SDC2: variants seen among roughly 807,000 people sequenced by gnomAD.
The protein encoded by SDC2 is syndecan 2, also known as syndecan-2.
Under a neutral mutation model 22.2 loss-of-function variants are expected in SDC2, and 13 were observed. The ratio of observed to expected loss-of-function variants is 0.59; its 90% CI spans 0.38 to 0.93. The LOEUF (loss-of-function observed/expected upper bound fraction) is 0.93. Ranked by LOEUF, SDC2 falls within the 40% of genes least tolerant of loss-of-function variation. The probability of loss-of-function intolerance (pLI) is 0.00; values close to 1 mark genes in which losing one functional copy is unlikely to be tolerated. For missense variants in SDC2, 235 were observed against 246.8 expected (o/e 0.95, Z 0.32); for synonymous variants, 94 against 92.8 (o/e 1.01, Z -0.07).
chr8:96,556,043 C>G (rs554567147), intron 1 of SDC2, among the ~76,000 whole-genome samples: 1 of 141,090 alleles, frequency 7.1e-6, no homozygotes, highest in South Asian at 2.2e-4. Context: ...ATCACACACA[C>G]ACACACACAC....
At chr8:96,513,621 A>G (rs1168867877) in intron 1 of SDC2, among the ~76,000 whole-genome samples, 1 of 152,234 alleles carries the variant, frequency 6.6e-6, no homozygotes, top group African/African-American at 2.4e-5. Flanking sequence ...AAATTTTAAA[A>G]ACGACAAAAA....
rs149150304 is a variant in SDC2, at chr8:96,562,320, C to A, written c.61-31160C>A. 3.9e-5 allele frequency among the ~76,000 whole-genome samples: 6 copies of A among 152,296 alleles called. No individual in the cohort carries two copies. The East Asian group carries it at 1.2e-3, about 29-fold the overall frequency. Reference sequence around the variant, plus strand: ...ATCAGTTTCCTGTATTTATGTGGGTCTTTTCAGGTCCACAGCCTTTCAGTG... The same window carrying A: ...ATCAGTTTCCTGTATTTATGTGGGTATTTTCAGGTCCACAGCCTTTCAGTG... On this transcript the variant is annotated intron_variant, in intron 1 of 4. Coordinates refer to ENST00000302190, the MANE Select transcript of SDC2 (RefSeq NM_002998.4).
At chr8:96,536,087 G>T (rs1813750228) in intron 1 of SDC2, among the ~76,000 whole-genome samples, 1 of 151,904 alleles carries the variant, frequency 6.6e-6, no homozygotes, top group Admixed American at 6.6e-5. Flanking sequence ...GCCCCTTGAG[G>T]AATTTAATTT....
At position 96,494,093 on chromosome 8, in the gene SDC2, G is replaced by C; in HGVS notation, c.-179G>C. ...GCGCAGCTGCGGGCGGCGGGAGCAG[G>C]CGCAGGAGGAGGAAGCGAGCGCCCC... On this transcript the variant is annotated 5_prime_UTR_variant, in exon 1 of 5. Transcript: ENST00000302190. 1.7e-6 allele frequency: 1 copy of C among 590,686 alleles called. No individual in the cohort carries two copies. The highest frequency in any genetic ancestry group is 2.9e-6 in the Non-Finnish European group (1 of 347,732). The allele number at this position is 590,686 out of a possible 1,614,324, so 36.6% of individuals were successfully genotyped here. A position where few individuals can be genotyped will look rare whatever the true frequency, so the allele number is the denominator to read the frequency against.
chr8:96,564,527 C>T (rs975087434), intron 1 of SDC2, among the ~76,000 whole-genome samples: 2 of 152,112 alleles, frequency 1.3e-5, no homozygotes, highest in Admixed American at 6.5e-5. Context: ...GTGGGTTGCA[C>T]GTGGATTAGC....
chr8:96,581,119 C>T (rs1267429888), intron 1 of SDC2, among the ~76,000 whole-genome samples: 1 of 152,188 alleles, frequency 6.6e-6, no homozygotes, highest in Non-Finnish European at 1.5e-5. Flanking sequence ...GGTACTTACA[C>T]ATGTGTGTTC....
intron 1 of SDC2, among the ~76,000 whole-genome samples, chr8:96,540,312 C>G (rs913213854): frequency 8.1e-6 from 1 of 122,990 alleles, no homozygotes; most frequent in African/African-American, 2.8e-5. Flanking sequence ...GGCAACATAG[C>G]AAAACCCTGT....
At chr8:96,524,805 G>A (rs1813553033) in intron 1 of SDC2, among the ~76,000 whole-genome samples, 2 of 152,114 alleles carry the variant, frequency 1.3e-5, no homozygotes, top group South Asian at 4.1e-4. Context: ...AGGCTTCATT[G>A]GGCTGTTCAA....
At chr8:96,497,142 T>C (rs1813089259) in intron 1 of SDC2, among the ~76,000 whole-genome samples, 1 of 151,746 alleles carries the variant, frequency 6.6e-6, no homozygotes, top group South Asian at 2.1e-4. Context: ...TAAAAGAAAC[T>C]GTCAAGTCAT....
chr8:96,494,609 C>A (rs1284061197), intron 1 of SDC2, among the ~76,000 whole-genome samples: 2 of 152,114 alleles, frequency 1.3e-5, no homozygotes, highest in Non-Finnish European at 2.9e-5. Context: ...TCACTCCCAA[C>A]TTCTTCGCCC....
intron 1 of SDC2, among the ~76,000 whole-genome samples, chr8:96,545,699 C>T (rs560253064): frequency 1.3e-5 from 2 of 152,326 alleles, no homozygotes; most frequent in Admixed American, 1.3e-4. Flanking sequence ...CACATTCCTG[C>T]CTTCCACCCC....
intron 1 of SDC2, among the ~76,000 whole-genome samples, chr8:96,569,380 A>C (rs1814353777): frequency 6.6e-6 from 1 of 152,044 alleles, no homozygotes; most frequent in African/African-American, 2.4e-5. Context: ...CTTTCACCCC[A>C]GTTCTAGGTT....
chr8:96,511,492 A>G (rs543356046), intron 1 of SDC2, among the ~76,000 whole-genome samples: 51 of 152,314 alleles, frequency 3.3e-4, no homozygotes, highest in African/African-American at 1.2e-3. Context: ...AGAAATAGTG[A>G]GTTTCCTTTG....
At chr8:96,512,932 AT>A (rs2130444004) in intron 1 of SDC2, among the ~76,000 whole-genome samples, 1 of 152,296 alleles carries the variant, frequency 6.6e-6, no homozygotes, top group South Asian at 2.1e-4. Flanking sequence ...TGTTGGAGAG[AT>A]GATGAATTGA....
intron 1 of SDC2, among the ~76,000 whole-genome samples, chr8:96,526,546 T>C (rs1372675154): frequency 2.6e-5 from 4 of 152,042 alleles, no homozygotes; most frequent in African/African-American, 4.8e-5. Flanking sequence ...CTTTTCCAGA[T>C]TGCAGGAAGG....
chr8:96,581,932 C>T (rs978851100), intron 1 of SDC2, among the ~76,000 whole-genome samples: 9 of 152,214 alleles, frequency 5.9e-5, no homozygotes, highest in African/African-American at 1.9e-4. Context: ...AGCACACCAA[C>T]AGGAGTCCTT....
In SDC2 at chr8:96,611,493, G is replaced by T. The variant is rs1026559508; in HGVS notation, c.*1945G>T. The T allele has an allele frequency of 6.6e-6, 1 of 152,550 alleles. No homozygotes were observed. The highest frequency in any genetic ancestry group is 1.5e-5 in the Non-Finnish European group (1 of 68,042). The allele number at this position is 152,550 out of a possible 1,614,324, so 9.4% of individuals were successfully genotyped here. A position where few individuals can be genotyped will look rare whatever the true frequency, so the allele number is the denominator to read the frequency against. On this transcript the variant is annotated 3_prime_UTR_variant, in exon 5 of 5. Transcript: ENST00000302190. ...CCTTAATGGCCTTAATTAATTCTCAGATTCCTGCCCCATCACTTACAGAAC... is the reference window on the plus strand; with the variant it reads ...CCTTAATGGCCTTAATTAATTCTCATATTCCTGCCCCATCACTTACAGAAC...
intron 3 of SDC2, among the ~76,000 whole-genome samples, chr8:96,606,087 G>A (rs928533795): frequency 6.6e-6 from 1 of 152,146 alleles, no homozygotes; most frequent in African/African-American, 2.4e-5. Flanking sequence ...AAGCTCTCAG[G>A]AACTTAGGAA....
At chr8:96,536,650 A>C (rs1057032502) in intron 1 of SDC2, among the ~76,000 whole-genome samples, 3 of 152,178 alleles carry the variant, frequency 2.0e-5, no homozygotes, top group Admixed American at 2.0e-4. Flanking sequence ...ATCATATTTG[A>C]GTGCCTAGCA....
Sources: gnomAD v4.1 joint callset for allele counts (sites outside exome capture counted in the v4.1 genomes callset) on GRCh38, gnomAD v4.1.1 for gene constraint, MANE v1.5 for transcripts, NCBI Gene and HGNC (gene_info 2026-07-23, HGNC 2026-07-21) for gene names.